PTPRG: variants seen among roughly 807,000 people sequenced by gnomAD.
The protein encoded by PTPRG is protein tyrosine phosphatase receptor type G.
Under a neutral mutation model 165.3 loss-of-function variants are expected in PTPRG, and 102 were observed. The observed-to-expected ratio is 0.62, with a 90% CI of 0.53 to 0.73. The LOEUF (loss-of-function observed/expected upper bound fraction) is 0.73. Ranked by LOEUF, PTPRG falls within the 30% of genes least tolerant of loss-of-function variation. PTPRG has a pLI of 0.00. For missense variants in PTPRG, 1,866 were observed against 1,861.4 expected (o/e 1.00, Z -0.05); for synonymous variants, 675 against 669.5 (o/e 1.01, Z -0.13).
intron 1 of PTPRG, among the ~76,000 whole-genome samples, chr3:61,695,260 C>T (rs1452547051): frequency 6.6e-6 from 1 of 152,342 alleles, no homozygotes; most frequent in African/African-American, 2.4e-5. Context: ...ATCCACCCAC[C>T]TTGGCCTTCC....
intron 4 of PTPRG, among the ~76,000 whole-genome samples, chr3:62,039,109 A>G (rs1342017842): frequency 2.0e-5 from 3 of 151,998 alleles, no homozygotes; most frequent in African/African-American, 7.2e-5. Flanking sequence ...TAATTTTTGT[A>G]TTTTTAGTAG....
At chr3:61,640,579 A>G (rs1309200925) in intron 1 of PTPRG, among the ~76,000 whole-genome samples, 1 of 152,228 alleles carries the variant, frequency 6.6e-6, no homozygotes, top group Non-Finnish European at 1.5e-5. Context: ...GTCTTAAAGG[A>G]AAGATGTTAG....
At chr3:61,840,466 A>G (rs1185649379) in intron 2 of PTPRG, among the ~76,000 whole-genome samples, 3 of 152,210 alleles carry the variant, frequency 2.0e-5, no homozygotes, top group African/African-American at 7.2e-5. Context: ...GCTTTCTTCT[A>G]TTAAAGTGAT....
intron 5 of PTPRG, among the ~76,000 whole-genome samples, chr3:62,093,261 A>C (rs138144140): frequency 1.3e-5 from 2 of 152,264 alleles, no homozygotes; most frequent in African/African-American, 2.4e-5. Flanking sequence ...TTGATGATTC[A>C]TTTAGGCCAT....
intron 28 of PTPRG, among the ~76,000 whole-genome samples, chr3:62,286,662 G>T (rs1019126097): frequency 6.6e-6 from 1 of 151,958 alleles, no homozygotes; most frequent in Non-Finnish European, 1.5e-5. Context: ...AAAAAATAGG[G>T]TTTTTTTCTT....
chr3:61,891,695 G>A (rs752475272), intron 2 of PTPRG, among the ~76,000 whole-genome samples: 6 of 152,164 alleles, frequency 3.9e-5, no homozygotes, highest in African/African-American at 9.7e-5. Flanking sequence ...ACTAGAAAAC[G>A]CATTTTAATC....
At chr3:61,826,496 C>G (rs376385540) in intron 2 of PTPRG, among the ~76,000 whole-genome samples, 10 of 151,428 alleles carry the variant, frequency 6.6e-5, no homozygotes, top group African/African-American at 2.4e-4. Flanking sequence ...TCACCCAGTC[C>G]TTTCTTCCAC....
chr3:61,939,102 C>T (rs146545796), intron 2 of PTPRG, among the ~76,000 whole-genome samples: 1 of 152,236 alleles, frequency 6.6e-6, no homozygotes, highest in Non-Finnish European at 1.5e-5. Context: ...TGTCCACACT[C>T]ACCATTTTGA....
At chr3:61,634,547 GTGTT>G (rs1264788821) in intron 1 of PTPRG, among the ~76,000 whole-genome samples, 1 of 151,700 alleles carries the variant, frequency 6.6e-6, no homozygotes, top group African/African-American at 2.4e-5. Flanking sequence ...CTGTGTGTGT[GTGTT>G]TTTTTTTTAA....
chr3:62,249,259 C>T (rs1373871338), intron 15 of PTPRG, among the ~76,000 whole-genome samples: 3 of 152,134 alleles, frequency 2.0e-5, no homozygotes, highest in Admixed American at 6.5e-5. Flanking sequence ...TATTACCAAA[C>T]ACCTTGAGAG....
At chr3:61,749,393 G>A (rs758499036) in intron 2 of PTPRG, 1 of 291,534 alleles carries the variant, frequency 3.4e-6, no homozygotes, top group Non-Finnish European at 6.6e-6. Context: ...GCTCTATTAG[G>A]CTCTAAGCCA....
chr3:62,032,032 A>C (rs1272837125), intron 4 of PTPRG, among the ~76,000 whole-genome samples: 1 of 152,248 alleles, frequency 6.6e-6, no homozygotes, highest in Non-Finnish European at 1.5e-5. Flanking sequence ...TAATATGCAC[A>C]TGGAAATTAA....
intron 2 of PTPRG, among the ~76,000 whole-genome samples, chr3:61,843,678 A>T (rs1421845017): frequency 6.6e-6 from 1 of 152,156 alleles, no homozygotes; most frequent in East Asian, 1.9e-4. Context: ...TGTTTATTCT[A>T]TCGGCAGGTT....
intron 12 of PTPRG, 70 bp downstream of exon 12, chr3:62,204,020 G>A (rs951032284): frequency 6.7e-7 from 1 of 1,495,654 alleles, no homozygotes; most frequent in Non-Finnish European, 8.9e-7. Context: ...CAAAAAATTG[G>A]GAGCAGAAGG....
intron 5 of PTPRG, among the ~76,000 whole-genome samples, chr3:62,090,626 A>G (rs556796188): frequency 1.3e-5 from 2 of 152,334 alleles, no homozygotes; most frequent in East Asian, 3.9e-4. Flanking sequence ...AGAGACTTTC[A>G]GTGTCTGACT....
intron 1 of PTPRG, among the ~76,000 whole-genome samples, chr3:61,611,041 A>G (rs1254582082): frequency 1.3e-5 from 2 of 152,108 alleles, no homozygotes; most frequent in Non-Finnish European, 2.9e-5. Flanking sequence ...AACGCAAGTG[A>G]TCCTCCTGTC....
At chr3:62,167,593 T>G (rs1330550729) in intron 7 of PTPRG, among the ~76,000 whole-genome samples, 1 of 152,156 alleles carries the variant, frequency 6.6e-6, no homozygotes, top group Non-Finnish European at 1.5e-5. Context: ...ACCCAGGCAG[T>G]CTGGCTCCGG....
chr3:62,248,159 G>T (rs1452063570), intron 15 of PTPRG, among the ~76,000 whole-genome samples: 1 of 152,138 alleles, frequency 6.6e-6, no homozygotes, highest in Non-Finnish European at 1.5e-5. Flanking sequence ...TATCCAGCTT[G>T]AAAGAAGTGC....
chr3:61,740,436 G>A (rs2032930675), intron 1 of PTPRG, among the ~76,000 whole-genome samples: 1 of 152,134 alleles, frequency 6.6e-6, no homozygotes, highest in Non-Finnish European at 1.5e-5. Context: ...TCTTTTCTGA[G>A]ATCTGTTGGA....
Sources: gnomAD v4.1 joint callset for allele counts (sites outside exome capture counted in the v4.1 genomes callset) on GRCh38, gnomAD v4.1.1 for gene constraint, MANE v1.5 for transcripts, NCBI Gene and HGNC (gene_info 2026-07-23, HGNC 2026-07-21) for gene names.